HTT: variants seen among roughly 807,000 people sequenced by gnomAD.
The protein encoded by HTT is huntington disease protein.
In HTT, 104 loss-of-function variants were observed where a neutral mutation model predicts 362.3. That is an observed-to-expected ratio of 0.29 (90% CI 0.24 to 0.34). The LOEUF (loss-of-function observed/expected upper bound fraction) is 0.34. Among genes scored for constraint, HTT ranks in the 10% least tolerant of loss-of-function variants. HTT has a pLI of 1.00. For missense variants in HTT, 3,301 were observed against 3,928.6 expected (o/e 0.84, Z 4.27); for synonymous variants, 1,577 against 1,548.7 (o/e 1.02, Z -0.43).
At chr4:3,146,743 T>A in intron 24 of HTT, 54 bp from the exon 25 acceptor site, 1 of 1,530,994 alleles carries the variant, frequency 6.5e-7, no homozygotes, top group Non-Finnish European at 9.0e-7. Flanking sequence ...AAAGGAAGAC[T>A]GTTGTTTGCT....
chr4:3,233,977 A>C (rs1294552361), intron 61 of HTT, among the ~76,000 whole-genome samples: 1 of 152,228 alleles, frequency 6.6e-6, no homozygotes, highest in Non-Finnish European at 1.5e-5. Context: ...AGGCTTCTGC[A>C]CACGGGAGCT....
rs577684925 is a variant in HTT at position 3,172,503 on chromosome 4, A to G, written c.3942+106A>G. 1.8e-5 allele frequency: 15 copies of G among 821,490 alleles called. 1 individual carries two copies. The South Asian group carries it at 2.0e-4, about 11-fold the overall frequency. The allele number at this position is 821,490 out of a possible 1,614,324, so 50.9% of individuals were successfully genotyped here. On this transcript the variant is annotated intron_variant, in intron 30 of 66. Transcript: ENST00000355072. ...GCTGTTGGCATAATCAGCTGGGAGG[A>G]TTGTGGGGTCCAGCGCAGCACTTTT...
Position 3,177,382 on chromosome 4 carries a change from G to A in HTT, c.4458G>A (p.Gln1486=). Residue 1486 remains glutamine, a synonymous_variant, in exon 34 of 67, where the codon CAG becomes CAA. Transcript: ENST00000355072. ...LKQFEYIEVG[Q]FRESEAIIPN... is the part of the protein sequence containing the mutation. ...AGTTTGAATACATTGAAGTGGGCCAGTTCAGGTAATAGCATTTTATTATTT... is the reference window on the plus strand; with the variant it reads ...AGTTTGAATACATTGAAGTGGGCCAATTCAGGTAATAGCATTTTATTATTT... 1 of 1,586,316 alleles carries A rather than the reference G, an allele frequency of 6.3e-7. No homozygotes were observed. The highest frequency in any genetic ancestry group is 8.6e-7 in the Non-Finnish European group (1 of 1,165,860).
At chr4:3,135,662 A>T (rs183295986) in intron 19 of HTT, among the ~76,000 whole-genome samples, 1 of 152,288 alleles carries the variant, frequency 6.6e-6, no homozygotes, top group East Asian at 1.9e-4. Flanking sequence ...GAGTCTTTTG[A>T]AATAGTATTT....
In HTT at chr4:3,228,737, C is replaced by A; in HGVS notation, c.7971C>A (p.Val2657=). Residue 2657 remains valine, a synonymous_variant, in exon 58 of 67, where the codon GTC becomes GTA. Coordinates refer to ENST00000355072, the MANE Select transcript of HTT (RefSeq NM_001388492.1). This position sits in a 1 kb window ranked among gnomAD's most constrained non-coding sequence, Gnocchi z 4.3. ...PAPSSPPTSP[V]NSRKHRAGVD... The stretch of plus-strand genomic sequence containing the variant: ...CTTCGTCACCACCCACGTCTCCAGT[C>A]AACTCCAGGTTTTCCAATGGCCTTT... The A allele has an allele frequency of 1.9e-6, 3 of 1,587,654 alleles. No homozygotes were observed. The highest frequency in any genetic ancestry group is 2.3e-5 in the South Asian group (2 of 88,038).
rs759151149 is a variant in HTT, at chr4:3,121,468, T to G, written c.1273+36T>G. ...AGCAAGGTCTACTCTTACAATTAAC[T>G]TTGCAGTAATACTAGTTACACTCTA... On this transcript the variant is annotated intron_variant, in intron 9 of 66. Transcript: ENST00000355072. The G allele has an allele frequency of 1.1e-5, 16 of 1,423,932 alleles. No homozygotes were observed. In the Admixed American group the frequency reaches 2.5e-4, roughly 23 times the overall value. 88.2% of individuals were successfully genotyped at this position (1,423,932 alleles called of 1,614,324 possible). A position where few individuals can be genotyped will look rare whatever the true frequency, so the allele number is the denominator to read the frequency against.
chr4:3,131,885 G>T lies in HTT; in HGVS notation c.2236+110G>T, dbSNP rs549966691. 14 of 1,059,106 alleles carry T rather than the reference G, an allele frequency of 1.3e-5. No homozygotes were observed. The South Asian group carries it at 2.1e-4, about 16-fold the overall frequency. 65.6% of individuals were successfully genotyped at this position (1,059,106 alleles called of 1,614,324 possible). On this transcript the variant is annotated intron_variant, in intron 16 of 66. Transcript: ENST00000355072. ...GCAGTAAGTGTTTTGAGTTCATTTG[G>T]GATATTTGACCTGCGTTGTAGCTCT...
Position 3,199,809 on chromosome 4 carries a change from G to A in HTT, c.5446G>A (p.Asp1816Asn), listed in dbSNP as rs1473718198. ...DGCGGSFYTL[D>N]SLNLRARSMI... ...CTGTGGCGGCAGTTTCTACACCCTG[G>A]ACAGCTTGAACTTGCGGGCTCGTTC... Residue 1816 changes from aspartate to asparagine, a missense_variant, in exon 41 of 67, where the codon GAC becomes AAC. Coordinates refer to ENST00000355072, the MANE Select transcript of HTT (RefSeq NM_001388492.1). 3.7e-6 allele frequency: 6 copies of A among 1,614,176 alleles called. No homozygotes were observed.
At chr4:3,116,395 A>T in intron 8 of HTT, 132 bp downstream of exon 8, 1 of 700,076 alleles carries the variant, frequency 1.4e-6, no homozygotes, top group Non-Finnish European at 2.4e-6. Flanking sequence ...CTCGTTTCCA[A>T]CCCTAGGTGC....
intron 1 of HTT, among the ~76,000 whole-genome samples, chr4:3,075,377 C>T (rs572129576): frequency 3.9e-5 from 6 of 152,376 alleles, no homozygotes; most frequent in South Asian, 4.1e-4. Context: ...CGGCCTCAGC[C>T]CTCTCGCCCT....
intron 30 of HTT, among the ~76,000 whole-genome samples, 179 bp downstream of exon 30, chr4:3,172,576 C>T (rs1243567880): frequency 6.6e-6 from 1 of 152,174 alleles, no homozygotes; most frequent in African/African-American, 2.4e-5. Context: ...CCTTCACTCC[C>T]CAGGAGGACG....
chr4:3,132,602 T>C lies in HTT; in HGVS notation c.2277T>C (p.His759=). The change falls in exon 17 of 67, where the codon CAT becomes CAC. Residue 759 remains histidine (H), a synonymous_variant. Transcript: ENST00000355072. ...YVSDILNYID[H]GDPQVRGATA... is the part of the protein sequence containing the mutation. ...CAGACATCTTGAACTACATCGATCA[T>C]GGAGACCCACAGGTTCGAGGAGCCA... The C allele has an allele frequency of 6.2e-7, 1 of 1,614,062 alleles. No homozygotes were observed. Among genetic ancestry groups the C allele is most frequent in the Non-Finnish European group, 8.5e-7 (1 of 1,179,932 alleles).
chr4:3,225,874 A>C, intron 57 of HTT, 131 bp downstream of exon 57: 1 of 643,940 alleles, frequency 1.6e-6, no homozygotes, highest in Non-Finnish European at 2.7e-6. Flanking sequence ...TTAAAAAAAA[A>C]TTTAATGTTC....
chr4:3,136,266 T>A lies in HTT; in HGVS notation c.2738T>A (p.Ile913Asn). 5.0e-6 allele frequency: 8 copies of A among 1,612,522 alleles called. No individual in the cohort carries two copies. Among genetic ancestry groups the A allele is most frequent in the Non-Finnish European group, 6.8e-6 (8 of 1,178,618 alleles). Residue 913 changes from isoleucine to asparagine, a missense_variant, in exon 21 of 67, where the codon ATC becomes AAC. Ile to Asn is a moderately radical substitution (Grantham distance 149). This residue lies in a region of HTT where 2,316 missense variants were observed against 2,658.5 expected (regional missense o/e 0.87). Transcript: ENST00000355072. Reference protein sequence around the residue: ...LQERVLNNVVIHLLGDEDPRV... With the variant: ...LQERVLNNVVNHLLGDEDPRV... ...GAACGAGTGCTCAATAATGTTGTCA[T>A]CCATTTGCTTGGAGATGAAGACCCC...
At chr4:3,211,395 T>C (rs1720153299) in intron 47 of HTT, among the ~76,000 whole-genome samples, 1 of 152,256 alleles carries the variant, frequency 6.6e-6, no homozygotes, top group Admixed American at 6.5e-5. Context: ...CTAAGATAGA[T>C]GTTTTACCTG....
intron 26 of HTT, among the ~76,000 whole-genome samples, chr4:3,150,953 G>A (rs780256686): frequency 2.2e-4 from 34 of 152,130 alleles, no homozygotes; most frequent in Admixed American, 2.6e-4. Context: ...GCAGGAGAAC[G>A]GCGTGAACCT....
chr4:3,145,100 C>T, intron 23 of HTT, 52 bp from the exon 24 acceptor site: 2 of 1,304,622 alleles, frequency 1.5e-6, no homozygotes, highest in African/African-American at 2.9e-5. Flanking sequence ...AGATATAATT[C>T]AATAAACCTT....
At chr4:3,152,175 T>C (rs927953310) in intron 26 of HTT, among the ~76,000 whole-genome samples, 3 of 151,720 alleles carry the variant, frequency 2.0e-5, no homozygotes, top group East Asian at 1.9e-4. Flanking sequence ...CTCAGCTCAC[T>C]GCAACTTCTG....
intron 57 of HTT, 53 bp downstream of exon 57, chr4:3,225,796 T>C: frequency 7.1e-7 from 1 of 1,402,426 alleles, no homozygotes; most frequent in Non-Finnish European, 1.0e-6. Context: ...TCCTCAGACT[T>C]TGGCGCTTGA....
Sources: allele counts gnomAD v4.1 joint callset (sites outside exome capture counted in the v4.1 genomes callset), GRCh38; gene constraint gnomAD v4.1.1; regional missense constraint gnomAD v4.1.1; non-coding constraint Gnocchi (gnomAD v3.1); transcripts MANE v1.5; gene names NCBI Gene and HGNC (gene_info 2026-07-23, HGNC 2026-07-21).